The following LRP1B variants were observed in gnomAD, a reference collection of about 807,000 sequenced individuals.
LRP1B encodes the protein low-density lipoprotein receptor-related protein 1B.
LRP1B carries 217 observed loss-of-function variants against 556.6 expected under a neutral mutation model. That is an observed-to-expected ratio of 0.39 (90% CI 0.35 to 0.44). The LOEUF is 0.44. Among genes scored for constraint, LRP1B ranks in the 20% least tolerant of loss-of-function variants. The pLI, the probability that LRP1B is intolerant of heterozygous loss-of-function variation, is 1.00. For synonymous variants in LRP1B, 2,047 were observed against 1,865.8 expected (o/e 1.10, Z -2.50); for missense variants, 5,053 against 5,620.8 (o/e 0.90, Z 3.23).
Position 140,291,318 on chromosome 2 carries a change from A to ATATATTTTT in LRP1B, c.12967+6489_12967+6490insAAAAATATA, listed in dbSNP as rs369391920. ...TTATTTTATATATATATATATATAT[A>ATATATTTTT]TTTTTATTATACTTTAAGTTCTAGG... On this transcript the variant is annotated intron_variant, in intron 84 of 90. Transcript: ENST00000389484. Among the ~76,000 whole-genome samples the ATATATTTTT allele has an allele frequency of 2.1e-3, 226 of 109,314 alleles. 1 individual carries two copies. Among genetic ancestry groups the ATATATTTTT allele is most frequent in the African/African-American group, 6.4e-3 (216 of 33,808 alleles). 71.7% of individuals were successfully genotyped at this position (109,314 alleles called of 152,430 possible). A position where few individuals can be genotyped will look rare whatever the true frequency, so the allele number is the denominator to read the frequency against.
chr2:140,325,181 G>A (rs1392532921), intron 80 of LRP1B, among the ~76,000 whole-genome samples: 1 of 151,838 alleles, frequency 6.6e-6, no homozygotes. Context: ...AAAAGTATGA[G>A]GAAGAGAAGG....
At chr2:141,090,204 GGTTA>G (rs1257293493) in intron 7 of LRP1B, among the ~76,000 whole-genome samples, 7 of 152,016 alleles carry the variant, frequency 4.6e-5, no homozygotes, top group Admixed American at 3.3e-4. Flanking sequence ...ATTCATATGT[GGTTA>G]GTTTATCAAG....
In LRP1B at chr2:140,715,438, T is replaced by TTA. The variant is rs1183930295; in HGVS notation, c.6023+533_6023+534dup. On this transcript the variant is annotated intron_variant, in intron 37 of 90. Transcript: ENST00000389484. ...GTGGCAGATTAAATTCGTTTCAGTTTTATATATATACATTTTGGGTACTCA... is the reference window on the plus strand; with the variant it reads ...GTGGCAGATTAAATTCGTTTCAGTTTTATATATATATACATTTTGGGTACTCA... Among the ~76,000 whole-genome samples, 8 of 152,102 alleles carry TTA rather than the reference T, an allele frequency of 5.3e-5. No individual in the cohort carries two copies. In the South Asian group the frequency reaches 1.5e-3, roughly 28 times the overall value.
chr2:142,028,694 C>A (rs376601855), intron 1 of LRP1B, among the ~76,000 whole-genome samples: 1 of 151,888 alleles, frequency 6.6e-6, no homozygotes, highest in African/African-American at 2.4e-5. Context: ...GCCTAGAAGT[C>A]GGGTTCAGTG....
chr2:142,086,782 C>T (rs1301896416), intron 1 of LRP1B, among the ~76,000 whole-genome samples: 1 of 152,120 alleles, frequency 6.6e-6, no homozygotes, highest in Non-Finnish European at 1.5e-5. Context: ...GAGTGTCCTA[C>T]ATATTATCTG....
chr2:142,081,855 C>T (rs971932336), intron 1 of LRP1B, among the ~76,000 whole-genome samples: 1 of 152,070 alleles, frequency 6.6e-6, no homozygotes, highest in African/African-American at 2.4e-5. Flanking sequence ...CCCACTTAAT[C>T]CTTATAACTA....
chr2:140,576,385 CA>C (rs1681527010), intron 43 of LRP1B, among the ~76,000 whole-genome samples: 2 of 152,096 alleles, frequency 1.3e-5, no homozygotes, highest in Non-Finnish European at 2.9e-5. Flanking sequence ...AAAAGGAGAA[CA>C]ATTGTTGGTA....
chr2:141,716,415 G>A (rs2105488440), intron 2 of LRP1B, among the ~76,000 whole-genome samples: 1 of 152,196 alleles, frequency 6.6e-6, no homozygotes, highest in African/African-American at 2.4e-5. Flanking sequence ...TTTTGCAAAA[G>A]TGACAATATG....
intron 2 of LRP1B, among the ~76,000 whole-genome samples, chr2:141,598,852 A>ACAC (rs1399600729): frequency 1.3e-5 from 2 of 152,052 alleles, no homozygotes; most frequent in East Asian, 3.9e-4. Context: ...AGTAGGAACA[A>ACAC]CACCACAAAG....
At chr2:141,666,379 T>C (rs1386902352) in intron 2 of LRP1B, among the ~76,000 whole-genome samples, 1 of 152,194 alleles carries the variant, frequency 6.6e-6, no homozygotes, top group Non-Finnish European at 1.5e-5. Context: ...TTTGCCTGGC[T>C]GTTCCATGTT....
chr2:142,018,072 C>A (rs943201970), intron 1 of LRP1B, among the ~76,000 whole-genome samples: 8 of 151,476 alleles, frequency 5.3e-5, no homozygotes, highest in Non-Finnish European at 7.4e-5. Flanking sequence ...TAATTACGTG[C>A]TATAGGTAAG....
At chr2:140,784,152 T>C (rs1689802383) in intron 32 of LRP1B, among the ~76,000 whole-genome samples, 1 of 152,142 alleles carries the variant, frequency 6.6e-6, no homozygotes, top group Admixed American at 6.6e-5. Context: ...TTTTGGCCTA[T>C]GTCACGAACA....
intron 7 of LRP1B, among the ~76,000 whole-genome samples, chr2:141,168,821 C>T (rs1680373216): frequency 6.6e-6 from 1 of 151,928 alleles, no homozygotes; most frequent in East Asian, 1.9e-4. Flanking sequence ...AAAATGGGTA[C>T]AATAAATACC....
At chr2:141,911,676 C>A (rs1222715601) in intron 1 of LRP1B, among the ~76,000 whole-genome samples, 1 of 152,180 alleles carries the variant, frequency 6.6e-6, no homozygotes, top group Non-Finnish European at 1.5e-5. Flanking sequence ...CCCAATGACT[C>A]TCCATTGTGC....
At chr2:140,613,481 G>A (rs1177810188) in intron 41 of LRP1B, among the ~76,000 whole-genome samples, 1 of 142,616 alleles carries the variant, frequency 7.0e-6, no homozygotes, top group African/African-American at 2.5e-5. Flanking sequence ...CATGGTGAGT[G>A]CACTCCAAGG....
chr2:141,515,621 A>C (rs111879336), intron 2 of LRP1B, among the ~76,000 whole-genome samples: 1 of 152,146 alleles, frequency 6.6e-6, no homozygotes, highest in East Asian at 1.9e-4. Flanking sequence ...ATTTCACTTT[A>C]AAAATTCTGA....
intron 7 of LRP1B, among the ~76,000 whole-genome samples, chr2:141,076,497 C>T (rs919408607): frequency 2.0e-5 from 3 of 152,134 alleles, no homozygotes; most frequent in African/African-American, 7.2e-5. Flanking sequence ...TCTCCAATTC[C>T]TATAATCACT....
rs56356725 is a variant in LRP1B, at chr2:141,923,446, ATGTGTG to A, written c.83-113051_83-113046del. Among the ~76,000 whole-genome samples, 552 of 81,738 alleles carry A rather than the reference ATGTGTG, an allele frequency of 6.8e-3. 4 individuals are homozygous for A. The highest frequency in any genetic ancestry group is 0.02 in the African/African-American group (432 of 21,096). The allele number at this position is 81,738 out of a possible 152,430, so 53.6% of individuals were successfully genotyped here. A position where few individuals can be genotyped will look rare whatever the true frequency, so the allele number is the denominator to read the frequency against. ...ATAGTGACAAAGAGATTATATATAT[ATGTGTG>A]TGTGTGTGTGTGTGTGTGTGTGTGT... On this transcript the variant is annotated intron_variant, in intron 1 of 90. Coordinates refer to ENST00000389484, the MANE Select transcript of LRP1B (RefSeq NM_018557.3).
At chr2:141,006,255 T>C (rs980945916) in intron 14 of LRP1B, among the ~76,000 whole-genome samples, 5 of 152,064 alleles carry the variant, frequency 3.3e-5, no homozygotes, top group Non-Finnish European at 5.9e-5. Flanking sequence ...GGCATATCCA[T>C]AATCTCAAAC....
Sources: allele counts gnomAD v4.1 joint callset (sites outside exome capture counted in the v4.1 genomes callset), GRCh38; gene constraint gnomAD v4.1.1; transcripts MANE v1.5; gene names NCBI Gene and HGNC (gene_info 2026-07-23, HGNC 2026-07-21).